GRID2: variants seen among roughly 807,000 people sequenced by gnomAD.
GRID2 encodes glutamate receptor ionotropic, delta-2.
A neutral mutation model predicts 114.8 loss-of-function variants in GRID2; 33 were observed. That is an observed-to-expected ratio of 0.29 (90% confidence interval 0.22 to 0.38). The LOEUF is 0.38. Among genes scored for constraint, GRID2 ranks in the 10% least tolerant of loss-of-function variants. The pLI, the probability that GRID2 is intolerant of heterozygous loss-of-function variation, is 1.00. For missense variants in GRID2, 1,184 were observed against 1,257.7 expected (o/e 0.94, Z 0.89); for synonymous variants, 505 against 449.9 (o/e 1.12, Z -1.55).
intron 2 of GRID2, among the ~76,000 whole-genome samples, chr4:92,902,273 T>C (rs773747579): frequency 6.6e-6 from 1 of 152,088 alleles, no homozygotes; most frequent in Non-Finnish European, 1.5e-5. Context: ...AGCATTTCTC[T>C]AGTATCAGTT....
At chr4:92,611,114 GTA>G (rs1359719928) in intron 2 of GRID2, among the ~76,000 whole-genome samples, 13 of 134,460 alleles carry the variant, frequency 9.7e-5, no homozygotes, top group Non-Finnish European at 1.5e-4. Context: ...ATATGTGTGT[GTA>G]TGTGTGTGTG....
At chr4:92,819,714 A>G (rs1741147408) in intron 2 of GRID2, among the ~76,000 whole-genome samples, 1 of 152,182 alleles carries the variant, frequency 6.6e-6, no homozygotes, top group African/African-American at 2.4e-5. Flanking sequence ...CTACGACAGC[A>G]TAGGTGACAA....
chr4:93,434,914 A>G (rs984116419), intron 10 of GRID2, among the ~76,000 whole-genome samples: 15 of 151,708 alleles, frequency 9.9e-5, no homozygotes, highest in Non-Finnish European at 1.3e-4. Flanking sequence ...GGCCTTTTCA[A>G]TTTCTGTCTC....
At chr4:93,109,626 T>A (rs1579013782) in intron 3 of GRID2, among the ~76,000 whole-genome samples, 1 of 152,252 alleles carries the variant, frequency 6.6e-6, no homozygotes, top group East Asian at 1.9e-4. Flanking sequence ...TGAGATCTAG[T>A]CTATTCATAA....
At chr4:92,931,827 G>T (rs1324706917) in intron 2 of GRID2, among the ~76,000 whole-genome samples, 1 of 151,058 alleles carries the variant, frequency 6.6e-6, no homozygotes, top group Admixed American at 6.6e-5. Context: ...CACACGTGCA[G>T]TCAATTGTTT....
chr4:93,288,108 T>G (rs1423765871), intron 8 of GRID2, among the ~76,000 whole-genome samples: 1 of 152,190 alleles, frequency 6.6e-6, no homozygotes, highest in Non-Finnish European at 1.5e-5. Flanking sequence ...AAATATAGAT[T>G]TGCTGTCTTT....
chr4:93,028,011 T>G (rs537340915), intron 2 of GRID2, among the ~76,000 whole-genome samples: 157 of 152,262 alleles, frequency 1.0e-3, no homozygotes, highest in African/African-American at 3.6e-3. Context: ...AAATCCATTA[T>G]AGTATCTAAT....
At position 93,421,846 on chromosome 4, in the gene GRID2, C is replaced by CAA. The variant is rs11292676; in HGVS notation, c.1348-911_1348-910dup. ...TGTGAATCTCTGAGGAAAAATCATTCAAAAAAAAAAAAAAACCTTTGGCTA... is the reference window on the plus strand; with the variant it reads ...TGTGAATCTCTGAGGAAAAATCATTCAAAAAAAAAAAAAAAAACCTTTGGCTA... On this transcript the variant is annotated intron_variant, in intron 9 of 15. Transcript: ENST00000282020. Among the ~76,000 whole-genome samples, 188 of 113,296 alleles carry CAA rather than the reference C, an allele frequency of 1.7e-3. 1 individual carries two copies. In the East Asian group the frequency reaches 0.022, roughly 13 times the overall value. 74.3% of individuals were successfully genotyped at this position (113,296 alleles called of 152,430 possible).
chr4:92,711,965 TTTATC>T (rs756186086), intron 2 of GRID2, among the ~76,000 whole-genome samples: 1 of 152,182 alleles, frequency 6.6e-6, no homozygotes, highest in Non-Finnish European at 1.5e-5. Flanking sequence ...AGATGATGTC[TTTATC>T]TTAAGTTCAA....
chr4:93,585,480 A>G (rs1251711954), intron 13 of GRID2, among the ~76,000 whole-genome samples: 1 of 152,078 alleles, frequency 6.6e-6, no homozygotes, highest in Non-Finnish European at 1.5e-5. Context: ...CCACAAAGTG[A>G]TGTGGATGGT....
At chr4:93,476,150 GTTC>G (rs1393841199) in intron 11 of GRID2, among the ~76,000 whole-genome samples, 1 of 152,106 alleles carries the variant, frequency 6.6e-6, no homozygotes, top group African/African-American at 2.4e-5. Flanking sequence ...CATGCATTGT[GTTC>G]TTCTTTTGGT....
chr4:93,317,718 G>A (rs1277153003), intron 8 of GRID2, among the ~76,000 whole-genome samples: 2 of 151,706 alleles, frequency 1.3e-5, no homozygotes, highest in Admixed American at 1.3e-4. Context: ...CTTTGCGAGT[G>A]AGCAGAATTA....
At position 92,761,929 on chromosome 4, in the gene GRID2, TTTTG is replaced by T. The variant is rs372258125; in HGVS notation, c.244+171659_244+171662del. On this transcript the variant is annotated intron_variant, in intron 2 of 15. Transcript: ENST00000282020. ...TAATATGTGTTAAGTTGTTTTTTAT[TTTTG>T]TTTGTTTGTTTGTTTTGAGAGAGTC... Among the ~76,000 whole-genome samples the T allele has an allele frequency of 1.3e-3, 200 of 152,216 alleles. 3 individuals are homozygous for T. The South Asian group carries it at 0.017, about 13-fold the overall frequency.
At chr4:93,481,206 A>G (rs1463031773) in intron 11 of GRID2, among the ~76,000 whole-genome samples, 4 of 152,042 alleles carry the variant, frequency 2.6e-5, no homozygotes, top group Non-Finnish European at 4.4e-5. Flanking sequence ...GTGAGTCCAG[A>G]AGAGATCCGT....
In GRID2 at chr4:93,800,368, G is replaced by A. The variant is rs189099548; in HGVS notation, c.222-6347G>A. Among the ~76,000 whole-genome samples, 19 of 152,294 alleles carry A rather than the reference G, an allele frequency of 1.2e-4. No individual in the cohort carries two copies. The East Asian group carries it at 3.3e-3, about 26-fold the overall frequency. On this transcript the variant is annotated intron_variant, in intron 1 of 1. Transcript: ENST00000637838. ...CACTGCCATAAAGCTGAAAAGTGTT[G>A]CAATGTCTGACACGTATCTTATCAA...
At chr4:93,701,493 G>A (rs1335026539) in intron 14 of GRID2, among the ~76,000 whole-genome samples, 1 of 151,966 alleles carries the variant, frequency 6.6e-6, no homozygotes, top group African/African-American at 2.4e-5. Flanking sequence ...TAAATTAATG[G>A]GAGCAAATGC....
intron 4 of GRID2, among the ~76,000 whole-genome samples, chr4:93,123,763 T>C (rs1305746393): frequency 6.6e-6 from 1 of 152,200 alleles, no homozygotes; most frequent in African/African-American, 2.4e-5. Context: ...CAAAACTTTA[T>C]TGTTCTGCTG....
At chr4:93,001,775 C>T (rs114254866) in intron 2 of GRID2, among the ~76,000 whole-genome samples, 3,270 of 151,818 alleles carry the variant, frequency 0.022, 59 homozygotes, top group Non-Finnish European at 0.033. Flanking sequence ...TGAACTATTA[C>T]TAGTCTCAAT....
At chr4:93,074,251 T>A (rs1183429344) in intron 2 of GRID2, among the ~76,000 whole-genome samples, 1 of 152,206 alleles carries the variant, frequency 6.6e-6, no homozygotes, top group Non-Finnish European at 1.5e-5. Flanking sequence ...GAGGAGAGTC[T>A]GTATCAATAT....
Sources: allele counts gnomAD v4.1 joint callset (sites outside exome capture counted in the v4.1 genomes callset), GRCh38; gene constraint gnomAD v4.1.1; transcripts MANE v1.5; gene names NCBI Gene and HGNC (gene_info 2026-07-23, HGNC 2026-07-21).